DOCK4: variants seen among roughly 807,000 people sequenced by gnomAD.
DOCK4 encodes dedicator of cytokinesis protein 4.
In DOCK4, 97 loss-of-function variants were observed where a neutral mutation model predicts 268.1. The ratio of observed to expected loss-of-function variants is 0.36; its 90% CI spans 0.31 to 0.43. The LOEUF (loss-of-function observed/expected upper bound fraction) is 0.43. Among genes scored for constraint, DOCK4 ranks in the 20% least tolerant of loss-of-function variants. DOCK4 has a pLI of 1.00. For synonymous variants in DOCK4, 954 were observed against 887.2 expected (o/e 1.08, Z -1.34); for missense variants, 2,145 against 2,455.7 (o/e 0.87, Z 2.67).
chr7:112,155,352 G>A (rs948347088), intron 1 of DOCK4, among the ~76,000 whole-genome samples: 1 of 152,148 alleles, frequency 6.6e-6, no homozygotes, highest in Non-Finnish European at 1.5e-5. Flanking sequence ...ATGCATCAGA[G>A]TATAACCTGA....
intron 16 of DOCK4, among the ~76,000 whole-genome samples, chr7:111,885,016 G>C (rs1366524232): frequency 6.6e-6 from 1 of 152,204 alleles, no homozygotes; most frequent in East Asian, 1.9e-4. Context: ...TTTTGAACTA[G>C]AGTATGGACT....
chr7:112,094,018 A>G (rs1050640623), intron 1 of DOCK4, among the ~76,000 whole-genome samples: 7 of 152,156 alleles, frequency 4.6e-5, no homozygotes, highest in Non-Finnish European at 8.8e-5. Flanking sequence ...ACCCAGGGTA[A>G]GCATAAAAAT....
chr7:112,153,726 T>C (rs1479651360), intron 1 of DOCK4, among the ~76,000 whole-genome samples: 1 of 152,100 alleles, frequency 6.6e-6, no homozygotes, highest in African/African-American at 2.4e-5. Flanking sequence ...CCAATTCCAA[T>C]ATAGAATGAT....
chr7:111,994,074 T>C, intron 5 of DOCK4, 61 bp downstream of exon 5: 2 of 1,106,332 alleles, frequency 1.8e-6, no homozygotes, highest in Non-Finnish European at 2.7e-6. Flanking sequence ...TTACTCATGT[T>C]CATGTATTTC....
intron 22 of DOCK4, 135 bp from the exon 23 acceptor site, chr7:111,863,699 C>T: frequency 1.0e-6 from 1 of 966,050 alleles, no homozygotes. Context: ...TTTCTGTTAC[C>T]TAAAGCTAAA....
intron 26 of DOCK4, among the ~76,000 whole-genome samples, chr7:111,829,873 A>G (rs1802684217): frequency 6.6e-6 from 1 of 152,154 alleles, no homozygotes; most frequent in Non-Finnish European, 1.5e-5. Flanking sequence ...GACCAGAATG[A>G]TTTATAGTCT....
intron 8 of DOCK4, among the ~76,000 whole-genome samples, chr7:111,959,592 A>G (rs1002866524): frequency 2.6e-5 from 4 of 152,188 alleles, no homozygotes; most frequent in African/African-American, 9.7e-5. Context: ...ATACACAAAA[A>G]TATTAGCATT....
At chr7:111,974,333 G>C (rs1462579382) in intron 8 of DOCK4, among the ~76,000 whole-genome samples, 1 of 151,974 alleles carries the variant, frequency 6.6e-6, no homozygotes, top group Non-Finnish European at 1.5e-5. Flanking sequence ...AGCATATATT[G>C]TGATACTTAT....
At chr7:112,083,468 T>A (rs1808780257) in intron 1 of DOCK4, among the ~76,000 whole-genome samples, 2 of 152,112 alleles carry the variant, frequency 1.3e-5, no homozygotes, top group African/African-American at 2.4e-5. Context: ...TAGAAGTTTT[T>A]ATCTTTACAT....
intron 1 of DOCK4, among the ~76,000 whole-genome samples, chr7:112,189,940 A>T (rs1225495960): frequency 6.6e-6 from 1 of 151,942 alleles, no homozygotes; most frequent in Non-Finnish European, 1.5e-5. Flanking sequence ...ACCACAATGT[A>T]TGTTTCAGAT....
At chr7:111,795,747 C>T (rs1799847490) in intron 30 of DOCK4, among the ~76,000 whole-genome samples, 1 of 152,176 alleles carries the variant, frequency 6.6e-6, no homozygotes, top group South Asian at 2.1e-4. Context: ...CAGGGTCCTG[C>T]CTACCCTCTG....
chr7:112,080,665 T>C (rs977553287), intron 1 of DOCK4, among the ~76,000 whole-genome samples: 2 of 152,220 alleles, frequency 1.3e-5, no homozygotes, highest in Non-Finnish European at 2.9e-5. Flanking sequence ...ACAGACCTTA[T>C]GGTAGACTTT....
At chr7:111,934,984 T>C (rs1174891126) in intron 12 of DOCK4, among the ~76,000 whole-genome samples, 1 of 152,022 alleles carries the variant, frequency 6.6e-6, no homozygotes, top group Non-Finnish European at 1.5e-5. Context: ...TCTTACTGTG[T>C]CACGCAGGCT....
chr7:112,058,975 A>G (rs1806108770), intron 1 of DOCK4, among the ~76,000 whole-genome samples: 2 of 152,186 alleles, frequency 1.3e-5, no homozygotes, highest in South Asian at 4.1e-4. Context: ...CTCTAAGGAC[A>G]TCTGTGGCTT....
chr7:111,809,813 A>C (rs1408607561), intron 28 of DOCK4, among the ~76,000 whole-genome samples: 3 of 152,322 alleles, frequency 2.0e-5, no homozygotes, highest in Admixed American at 6.5e-5. Flanking sequence ...TCATTTTTGG[A>C]ACTCCTTTTA....
intron 1 of DOCK4, among the ~76,000 whole-genome samples, chr7:112,141,318 G>C (rs1211553743): frequency 1.3e-5 from 2 of 152,264 alleles, no homozygotes; most frequent in East Asian, 3.9e-4. Flanking sequence ...ATCTGTGATG[G>C]TTCACTATAT....
chr7:112,024,526 C>A (rs534258110), intron 1 of DOCK4, among the ~76,000 whole-genome samples: 1 of 152,116 alleles, frequency 6.6e-6, no homozygotes, highest in Non-Finnish European at 1.5e-5. Context: ...ACATCCTCTA[C>A]CCAACCCATC....
intron 1 of DOCK4, among the ~76,000 whole-genome samples, chr7:112,062,819 A>G: frequency 6.6e-6 from 1 of 152,138 alleles, no homozygotes; most frequent in East Asian, 1.9e-4. Context: ...CTGGTATTAC[A>G]GGCGTGTGTC....
intron 27 of DOCK4, among the ~76,000 whole-genome samples, chr7:111,818,209 C>T (rs1801703472): frequency 6.6e-6 from 1 of 152,196 alleles, no homozygotes; most frequent in South Asian, 2.1e-4. Context: ...TTCCTCAGTG[C>T]TCTTGTTCAG....
Sources: gnomAD v4.1 joint callset for allele counts (sites outside exome capture counted in the v4.1 genomes callset) on GRCh38, gnomAD v4.1.1 for gene constraint, MANE v1.5 for transcripts, NCBI Gene and HGNC (gene_info 2026-07-23, HGNC 2026-07-21) for gene names.